NSMCE2: variants seen among roughly 807,000 people sequenced by gnomAD.
The protein encoded by NSMCE2 is NSE2 SUMO ligase component of SMC5/6 complex, also known as E3 SUMO-protein ligase NSE2.
Under a neutral mutation model 23.8 loss-of-function variants are expected in NSMCE2, and 24 were observed. The ratio of observed to expected loss-of-function variants is 1.01; its 90% CI spans 0.73 to 1.42. NSMCE2 has a LOEUF of 1.42. NSMCE2 is among the 40% of genes most tolerant of loss of function. NSMCE2 has a pLI of 0.00. For synonymous variants in NSMCE2, 92 were observed against 94.1 expected, an observed-to-expected ratio of 0.98 and a Z score of 0.13; for missense variants, 284 against 296.5, an observed-to-expected ratio of 0.96 and a Z score of 0.31.
At chr8:125,352,031 G>A (rs928515352) in intron 5 of NSMCE2, among the ~76,000 whole-genome samples, 3 of 151,998 alleles carry the variant, frequency 2.0e-5, no homozygotes, top group Non-Finnish European at 4.4e-5. Flanking sequence ...TATATACATA[G>A]TGGGGCTTAA....
intron 5 of NSMCE2, among the ~76,000 whole-genome samples, chr8:125,240,069 A>C (rs1007485743): frequency 6.6e-6 from 1 of 151,978 alleles, no homozygotes; most frequent in African/African-American, 2.4e-5. Flanking sequence ...AGATTATAGA[A>C]CAGAATTCTC....
At chr8:125,136,329 A>G (rs1820065167) in intron 3 of NSMCE2, among the ~76,000 whole-genome samples, 1 of 152,228 alleles carries the variant, frequency 6.6e-6, no homozygotes, top group African/African-American at 2.4e-5. Context: ...CTGAGGAAGA[A>G]ACAAAGATTG....
chr8:125,134,376 G>A (rs897717123), intron 3 of NSMCE2, among the ~76,000 whole-genome samples: 2 of 152,184 alleles, frequency 1.3e-5, no homozygotes, highest in East Asian at 1.9e-4. Flanking sequence ...TGGGATCTAT[G>A]TGTGGAGTAT....
At chr8:125,103,191 A>G (rs909703050) in intron 3 of NSMCE2, among the ~76,000 whole-genome samples, 3 of 152,130 alleles carry the variant, frequency 2.0e-5, no homozygotes, top group Non-Finnish European at 2.9e-5. Flanking sequence ...CTGTAATTCC[A>G]GCTACTCGGG....
intron 5 of NSMCE2, among the ~76,000 whole-genome samples, chr8:125,284,078 T>C (rs1451547363): frequency 1.3e-5 from 2 of 148,988 alleles, no homozygotes; most frequent in African/African-American, 2.5e-5. Context: ...GGCGTGAACC[T>C]GGGAAGCAGA....
chr8:125,186,981 A>T (rs191559449), intron 5 of NSMCE2, among the ~76,000 whole-genome samples: 1 of 152,244 alleles, frequency 6.6e-6, no homozygotes, highest in African/African-American at 2.4e-5. Context: ...TATCCTTTAG[A>T]TACCCAGTGT....
At chr8:125,229,324 G>A (rs1187043147) in intron 5 of NSMCE2, among the ~76,000 whole-genome samples, 1 of 152,184 alleles carries the variant, frequency 6.6e-6, no homozygotes, top group Non-Finnish European at 1.5e-5. Context: ...TAGATTCGTA[G>A]TCTCAACTTT....
chr8:125,111,570 C>T (rs541234374), intron 3 of NSMCE2, among the ~76,000 whole-genome samples: 6 of 152,188 alleles, frequency 3.9e-5, no homozygotes, highest in South Asian at 2.1e-4. Flanking sequence ...GAGGCCGAGG[C>T]GGGCGGATCA....
At chr8:125,299,463 G>A (rs932031739) in intron 5 of NSMCE2, among the ~76,000 whole-genome samples, 10 of 152,050 alleles carry the variant, frequency 6.6e-5, no homozygotes, top group African/African-American at 1.9e-4. Context: ...AGCAAGAGGC[G>A]AGAACTGCCA....
intron 3 of NSMCE2, among the ~76,000 whole-genome samples, chr8:125,122,327 G>C (rs934452326): frequency 2.6e-5 from 4 of 152,138 alleles, no homozygotes; most frequent in Admixed American, 2.6e-4. Context: ...ATCTTTGTTT[G>C]ATTGTTTCTC....
At position 125,182,255 on chromosome 8, in the gene NSMCE2, A is replaced by G. The variant is rs754116417; in HGVS notation, c.417A>G (p.Gln139=). ...FKQQLKELKK[Q]CGLQADREAD... ...AACAGCTGAAAGAACTAAAGAAGCA[A>G]TGTAAGTCAACATGCTTTGCTTTGG... Residue 139 remains glutamine (Q), a splice_region_variant and synonymous_variant, in exon 5 of 8, where the codon CAA becomes CAG. Coordinates refer to ENST00000287437, the MANE Select transcript of NSMCE2 (RefSeq NM_173685.4). 38 of 1,599,316 alleles carry G rather than the reference A, an allele frequency of 2.4e-5. No homozygotes were observed. The highest frequency in any genetic ancestry group is 3.1e-5 in the Non-Finnish European group (36 of 1,174,276).
intron 4 of NSMCE2, among the ~76,000 whole-genome samples, chr8:125,179,603 C>T (rs1006357723): frequency 2.6e-5 from 4 of 152,198 alleles, no homozygotes; most frequent in Non-Finnish European, 5.9e-5. Flanking sequence ...CATGCAGACT[C>T]AAACTTTCAG....
chr8:125,235,730 A>G (rs1825518451), intron 5 of NSMCE2, among the ~76,000 whole-genome samples: 3 of 152,212 alleles, frequency 2.0e-5, no homozygotes, highest in Admixed American at 6.5e-5. Flanking sequence ...ATTCATACAC[A>G]TCTTATCTTC....
chr8:125,093,559 A>G (rs1390920805), intron 1 of NSMCE2, among the ~76,000 whole-genome samples: 5 of 151,782 alleles, frequency 3.3e-5, no homozygotes, highest in South Asian at 2.1e-4. Context: ...TAAATAAATA[A>G]GTAAATAAAT....
At chr8:125,356,529 A>G (rs988862599) in intron 5 of NSMCE2, among the ~76,000 whole-genome samples, 1 of 152,008 alleles carries the variant, frequency 6.6e-6, no homozygotes, top group Non-Finnish European at 1.5e-5. Context: ...GGGTTTCACC[A>G]TGTTGGCCAG....
intron 5 of NSMCE2, among the ~76,000 whole-genome samples, chr8:125,243,194 T>C (rs1825824793): frequency 6.6e-6 from 1 of 152,124 alleles, no homozygotes; most frequent in Non-Finnish European, 1.5e-5. Flanking sequence ...AGAGAATACA[T>C]TCAATAATAG....
At chr8:125,103,111 C>T (rs959251441) in intron 3 of NSMCE2, among the ~76,000 whole-genome samples, 1 of 152,036 alleles carries the variant, frequency 6.6e-6, no homozygotes, top group Non-Finnish European at 1.5e-5. Flanking sequence ...ACTAAAAATA[C>T]AAAACCAACA....
At chr8:125,328,573 C>G (rs950448945) in intron 5 of NSMCE2, among the ~76,000 whole-genome samples, 5 of 152,180 alleles carry the variant, frequency 3.3e-5, no homozygotes, top group African/African-American at 4.8e-5. Context: ...GAGTAGTTCT[C>G]TCATGAGAGC....
chr8:125,136,697 A>G (rs888679337), intron 3 of NSMCE2, among the ~76,000 whole-genome samples: 6 of 145,782 alleles, frequency 4.1e-5, no homozygotes, highest in Non-Finnish European at 4.4e-5. Context: ...TTCCCATTAT[A>G]GAAGTAGTTT....
Sources: allele counts gnomAD v4.1 joint callset (sites outside exome capture counted in the v4.1 genomes callset), GRCh38; gene constraint gnomAD v4.1.1; transcripts MANE v1.5; gene names NCBI Gene and HGNC (gene_info 2026-07-23, HGNC 2026-07-21).